COL21A1: variants seen among roughly 807,000 people sequenced by gnomAD.
COL21A1 encodes the protein collagen type XXI alpha 1 chain, also known as collagen alpha-1(XXI) chain.
In COL21A1, 149 loss-of-function variants were observed where a neutral mutation model predicts 137.9. The ratio of observed to expected loss-of-function variants is 1.08; its 90% CI spans 0.95 to 1.24. COL21A1 has a LOEUF of 1.24. Among genes scored for constraint, COL21A1 ranks in the 50% most tolerant of loss-of-function variants. The pLI is 0.00. For synonymous variants in COL21A1, 456 were observed against 391.5 expected (o/e 1.16, Z -1.95); for missense variants, 1,167 against 1,158.4 (o/e 1.01, Z -0.11).
At chr6:56,241,481 A>G (rs888509081) in intron 1 of COL21A1, among the ~76,000 whole-genome samples, 2 of 152,144 alleles carry the variant, frequency 1.3e-5, no homozygotes, top group African/African-American at 4.8e-5. Context: ...TCTTTATCTC[A>G]TTTCAAAACT....
intron 1 of COL21A1, among the ~76,000 whole-genome samples, chr6:56,390,358 G>C (rs1350706811): frequency 1.3e-5 from 2 of 151,988 alleles, no homozygotes; most frequent in Admixed American, 1.3e-4. Context: ...AAAAATGCAA[G>C]AAATTAAAAC....
At chr6:56,234,666 G>GA (rs1781789693) in intron 1 of COL21A1, among the ~76,000 whole-genome samples, 1 of 151,518 alleles carries the variant, frequency 6.6e-6, no homozygotes, top group African/African-American at 2.4e-5. Context: ...ATGCTCACCT[G>GA]AAGACTAATG....
intron 3 of COL21A1, 30 bp from the exon 4 acceptor site, chr6:56,171,158 A>C (rs1188375464): frequency 6.6e-7 from 1 of 1,517,992 alleles, no homozygotes; most frequent in Non-Finnish European, 8.9e-7. Flanking sequence ...AAAGTTGGTT[A>C]ATCATGGACT....
At chr6:56,227,453 C>G (rs1048184096) in intron 1 of COL21A1, among the ~76,000 whole-genome samples, 1 of 151,974 alleles carries the variant, frequency 6.6e-6, no homozygotes, top group Non-Finnish European at 1.5e-5. Context: ...GCATTCCATC[C>G]TTGTTCAATA....
In COL21A1 at chr6:56,192,853, G is replaced by T. The variant is rs530569054; in HGVS notation, c.-38-10197C>A. Among the ~76,000 whole-genome samples the T allele has an allele frequency of 9.2e-5, 14 of 152,086 alleles. No homozygotes were observed. In the South Asian group the frequency reaches 2.5e-3, roughly 27 times the overall value. The stretch of plus-strand genomic sequence containing the variant: ...AGGATTATAAATCATTCTACTGTAG[G>T]TACATATGCACACGTATGTTTATTG... On this transcript the variant is annotated intron_variant, in intron 1 of 29. Transcript: ENST00000244728.
At chr6:56,122,154 CAT>C (rs1240233562) in intron 16 of COL21A1, among the ~76,000 whole-genome samples, 4 of 148,976 alleles carry the variant, frequency 2.7e-5, no homozygotes, top group Non-Finnish European at 6.0e-5. Flanking sequence ...AACAAAAGGC[CAT>C]ATATTACATC....
At chr6:56,257,781 AT>A (rs960181369) in intron 1 of COL21A1, among the ~76,000 whole-genome samples, 5 of 152,240 alleles carry the variant, frequency 3.3e-5, no homozygotes, top group Admixed American at 6.5e-5. Flanking sequence ...TATTCTTTTA[AT>A]TTTTTTCAAC....
At chr6:56,382,610 G>A (rs1257921642) in intron 1 of COL21A1, among the ~76,000 whole-genome samples, 1 of 152,102 alleles carries the variant, frequency 6.6e-6, no homozygotes, top group Non-Finnish European at 1.5e-5. Flanking sequence ...AGGATTGGTG[G>A]TTTTATAAGA....
chr6:56,196,505 T>TTAAAAGAAGTATTAA (rs1277136834), intron 1 of COL21A1, among the ~76,000 whole-genome samples: 6 of 152,060 alleles, frequency 3.9e-5, no homozygotes, highest in African/African-American at 1.2e-4. Flanking sequence ...AAGAAGTACA[T>TTAAAAGAAGTATTAA]ACAATAAACT....
chr6:56,204,670 C>T (rs528885898), intron 1 of COL21A1, among the ~76,000 whole-genome samples: 1 of 152,300 alleles, frequency 6.6e-6, no homozygotes, highest in South Asian at 2.1e-4. Flanking sequence ...CCCTGACCCC[C>T]GTGTATCCTG....
chr6:56,354,273 CT>C (rs1765782800), intron 1 of COL21A1, among the ~76,000 whole-genome samples: 1 of 152,176 alleles, frequency 6.6e-6, no homozygotes, highest in Admixed American at 6.5e-5. Flanking sequence ...AAACCTGTCT[CT>C]TGATATAGTT....
chr6:56,221,602 A>G (rs987215297), intron 1 of COL21A1, among the ~76,000 whole-genome samples: 3 of 152,056 alleles, frequency 2.0e-5, no homozygotes, highest in South Asian at 2.1e-4. Context: ...TCACACACCT[A>G]TAATTCCAGT....
At chr6:56,128,647 A>G (rs1582432431) in intron 12 of COL21A1, among the ~76,000 whole-genome samples, 1 of 151,998 alleles carries the variant, frequency 6.6e-6, no homozygotes, top group East Asian at 1.9e-4. Flanking sequence ...ACCAATTCCC[A>G]TTGTTTTTGT....
At position 56,056,715 on chromosome 6, in the gene COL21A1, T is replaced by C. The variant is rs1037019200; in HGVS notation, c.*942A>G. ...AGCATTAAGCACAATACACAAAGAC[T>C]GTTCATAATATTTTACAGTCAGCTA... On this transcript the variant is annotated 3_prime_UTR_variant, in exon 30 of 30. Transcript: ENST00000244728. The C allele has an allele frequency of 2.0e-5, 3 of 152,226 alleles. No homozygotes were observed. Among genetic ancestry groups the C allele is most frequent in the Non-Finnish European group, 2.9e-5 (2 of 68,034 alleles). 9.4% of individuals were successfully genotyped at this position (152,226 alleles called of 1,614,324 possible).
chr6:56,265,556 A>T (rs1399958957), intron 1 of COL21A1, among the ~76,000 whole-genome samples: 3 of 151,260 alleles, frequency 2.0e-5, no homozygotes, highest in South Asian at 4.2e-4. Context: ...TATTTCAAAA[A>T]CACAGTGCAT....
intron 17 of COL21A1, among the ~76,000 whole-genome samples, chr6:56,100,471 T>A (rs1410513680): frequency 1.3e-5 from 2 of 152,124 alleles, no homozygotes; most frequent in Non-Finnish European, 2.9e-5. Context: ...TAGAGAAAAA[T>A]ATTCAGGGAT....
chr6:56,306,377 A>G (rs4341008), intron 1 of COL21A1, among the ~76,000 whole-genome samples: 127,694 of 151,580 alleles, frequency 0.84, 55,769 homozygotes, highest in South Asian at 0.97. Flanking sequence ...CCGATCAGAC[A>G]TAGATTTGGT....
At chr6:56,156,526 C>A (rs1459951233) in intron 10 of COL21A1, among the ~76,000 whole-genome samples, 1 of 152,142 alleles carries the variant, frequency 6.6e-6, no homozygotes, top group Non-Finnish European at 1.5e-5. Context: ...AAGATAGTGT[C>A]CCCACTATCT....
intron 10 of COL21A1, among the ~76,000 whole-genome samples, chr6:56,150,756 AAT>A (rs1160851): frequency 0.094 from 14,321 of 152,112 alleles, 738 homozygotes; most frequent in African/African-American, 0.13. Context: ...GGAATCCTAG[AAT>A]ATCAGATTAG....
Sources: allele counts gnomAD v4.1 joint callset (sites outside exome capture counted in the v4.1 genomes callset), GRCh38; gene constraint gnomAD v4.1.1; transcripts MANE v1.5; gene names NCBI Gene and HGNC (gene_info 2026-07-23, HGNC 2026-07-21).